SF3A2: variants seen among roughly 807,000 people sequenced by gnomAD.
SF3A2 encodes SAP 62.
A neutral mutation model predicts 31.1 loss-of-function variants in SF3A2; 5 were observed. The observed-to-expected ratio is 0.16, with a 90% CI of 0.08 to 0.34. SF3A2 has a LOEUF of 0.34. SF3A2 is among the 10% of genes least tolerant of loss of function. SF3A2 has a pLI of 1.00. For synonymous variants in SF3A2, 365 were observed against 263.7 expected, an observed-to-expected ratio of 1.38 and a Z score of -3.72; for missense variants, 577 against 643.9, an observed-to-expected ratio of 0.90 and a Z score of 1.13.
intron 2 of SF3A2, among the ~76,000 whole-genome samples, chr19:2,243,853 C>T (rs1330582863): frequency 6.6e-6 from 1 of 152,194 alleles, no homozygotes; most frequent in Non-Finnish European, 1.5e-5. Context: ...TGAAGGGCAG[C>T]CTTTGATTTT....
In SF3A2 at chr19:2,244,747, A is replaced by T; in HGVS notation, c.213A>T (p.Ala71=). 2 of 1,614,012 alleles carry T rather than the reference A, an allele frequency of 1.2e-6. No homozygotes were observed. The highest frequency in any genetic ancestry group is 1.1e-5 in the South Asian group (1 of 91,076). The change falls in exon 4 of 9, where the codon GCA becomes GCT. Residue 71 remains alanine (A), a synonymous_variant. Transcript: ENST00000221494. ...TLHNNEGSYL[A]HTQGKKHQTN... ...TTCCACTCCAGGGGAGCTACCTGGC[A>T]CATACGCAGGGGAAGAAGCACCAGA...
At position 2,245,763 on chromosome 19, in the gene SF3A2, G is replaced by A; in HGVS notation, c.355+208G>A. The A allele has an allele frequency of 1.7e-6, 1 of 585,460 alleles. No homozygotes were observed. Among genetic ancestry groups the A allele is most frequent in the Non-Finnish European group, 3.1e-6 (1 of 326,672 alleles). 36.3% of individuals were successfully genotyped at this position (585,460 alleles called of 1,614,324 possible). ...GCCCGATAAGCACCCATCTCACCCA[G>A]CAGCCCATTTCCCAGCTGAGCCACA... On this transcript the variant is annotated intron_variant, in intron 5 of 8. Transcript: ENST00000221494. The surrounding 1 kb of genome is among the most constrained non-coding windows in gnomAD (Gnocchi z 4.2).
chr19:2,245,381 C>A lies in SF3A2; in HGVS notation c.246-65C>A. On this transcript the variant is annotated intron_variant, in intron 4 of 8. Transcript: ENST00000221494. The surrounding 1 kb of genome is among the most constrained non-coding windows in gnomAD (Gnocchi z 4.2). ...TCCAAGGTCAGGGGGCTCCTGGCACCTGGGCCCATGGCTTTGGTGCCTGTG... is the reference window on the plus strand; with the variant it reads ...TCCAAGGTCAGGGGGCTCCTGGCACATGGGCCCATGGCTTTGGTGCCTGTG... The A allele has an allele frequency of 7.9e-7, 1 of 1,261,340 alleles. No individual in the cohort carries two copies. Among genetic ancestry groups the A allele is most frequent in the Non-Finnish European group, 1.1e-6 (1 of 889,858 alleles). 78.1% of individuals were successfully genotyped at this position (1,261,340 alleles called of 1,614,324 possible).
Position 2,245,660 on chromosome 19 carries a change from C to A in SF3A2, c.355+105C>A. On this transcript the variant is annotated intron_variant, in intron 5 of 8. Coordinates refer to ENST00000221494, the MANE Select transcript of SF3A2 (RefSeq NM_007165.5). This position sits in a 1 kb window ranked among gnomAD's most constrained non-coding sequence, Gnocchi z 4.2. ...CAGCCCTGATAGCCTCCTCCCTGAG[C>A]CACTGTTTTCCGGCCTTGGTGGCCG... The A allele has an allele frequency of 1.2e-6, 1 of 832,506 alleles. No homozygotes were observed. Among genetic ancestry groups the A allele is most frequent in the Non-Finnish European group, 2.0e-6 (1 of 505,210 alleles). The allele number at this position is 832,506 out of a possible 1,614,324, so 51.6% of individuals were successfully genotyped here. A position where few individuals can be genotyped will look rare whatever the true frequency, so the allele number is the denominator to read the frequency against.
intron 7 of SF3A2, 75 bp from the exon 8 acceptor site, chr19:2,247,519 G>A: frequency 6.7e-7 from 1 of 1,494,800 alleles, no homozygotes; most frequent in Non-Finnish European, 9.3e-7. Flanking sequence ...GGAGGCTAGT[G>A]CCTCGGGCTC....
rs750283233 is a variant in SF3A2, at chr19:2,247,015, C to T, written c.539C>T (p.Ala180Val). 2.9e-6 allele frequency: 4 copies of T among 1,365,046 alleles called. No homozygotes were observed. Among genetic ancestry groups the T allele is most frequent in the Non-Finnish European group, 3.8e-6 (4 of 1,042,250 alleles). 84.6% of individuals were successfully genotyped at this position (1,365,046 alleles called of 1,614,324 possible). Residue 180 changes from alanine (A) to valine (V), a missense_variant, in exon 7 of 9, where the codon GCC becomes GTC. By Grantham distance (64) the Ala-to-Val change is moderately conservative. Around this residue, in one of 6 missense-constraint regions of SF3A2, gnomAD observed 37 missense variants for 85.0 expected, o/e 0.44. Transcript: ENST00000221494. The stretch of plus-strand genomic sequence containing the variant: ...GCCGCCGAGCCCTACGAGACCATTG[C>T]CTTCAAGGTAGCGTGGCTGCGGGGT... ...LMAAEPYETI[A>V]FKVPSREIDK...
Position 2,247,608 on chromosome 19 carries a change from G to A in SF3A2, c.561G>A (p.Glu187=). 1 of 1,613,414 alleles carries A rather than the reference G, an allele frequency of 6.2e-7. No individual in the cohort carries two copies. Among genetic ancestry groups the A allele is most frequent in the Non-Finnish European group, 8.5e-7 (1 of 1,179,764 alleles). Residue 187 remains glutamate (E), a synonymous_variant, in exon 8 of 9, where the codon GAG becomes GAA. Transcript: ENST00000221494. ...CGCCCTCCCAGGTGCCGAGCAGAGAGATCGACAAGGCGGAGGGCAAGTTCT... is the reference window on the plus strand; with the variant it reads ...CGCCCTCCCAGGTGCCGAGCAGAGAAATCGACAAGGCGGAGGGCAAGTTCT... ...ETIAFKVPSR[E]IDKAEGKFWT...
At position 2,245,685 on chromosome 19, in the gene SF3A2, G is replaced by A. The variant is rs536310388; in HGVS notation, c.355+130G>A. The stretch of plus-strand genomic sequence containing the variant: ...CCACTGTTTTCCGGCCTTGGTGGCC[G>A]TCCCTCACCCACCTGCAGCCTCTGG... On this transcript the variant is annotated intron_variant, in intron 5 of 8. Transcript: ENST00000221494. The surrounding 1 kb of genome is among the most constrained non-coding windows in gnomAD (Gnocchi z 4.2). The A allele has an allele frequency of 1.2e-4, 86 of 705,806 alleles. No individual in the cohort carries two copies. The highest frequency in any genetic ancestry group is 8.8e-4 in the African/African-American group (50 of 57,130). 43.7% of individuals were successfully genotyped at this position (705,806 alleles called of 1,614,324 possible).
chr19:2,247,513 G>T (rs1248344738), intron 7 of SF3A2, 81 bp from the exon 8 acceptor site: 1 of 1,432,412 alleles, frequency 7.0e-7, no homozygotes, highest in Non-Finnish European at 9.8e-7. Flanking sequence ...GGCTGGGGAG[G>T]CTAGTGCCTC....
chr19:2,242,427 C>T (rs2145010053), intron 1 of SF3A2, among the ~76,000 whole-genome samples: 1 of 152,330 alleles, frequency 6.6e-6, no homozygotes, highest in Non-Finnish European at 1.5e-5. Context: ...CATTCACAGC[C>T]ACAGCGCAGC....
chr19:2,243,803 T>G (rs1471003383), intron 2 of SF3A2, among the ~76,000 whole-genome samples: 5 of 152,202 alleles, frequency 3.3e-5, no homozygotes, highest in Non-Finnish European at 7.3e-5. Flanking sequence ...TTTAATTTTC[T>G]GGGAGTGGGG....
chr19:2,248,428 C>T lies in SF3A2; in HGVS notation c.1277C>T (p.Pro426Leu), dbSNP rs1312971570. The change falls in exon 9 of 9, where the codon CCG becomes CTG. Residue 426 changes from proline to leucine, a missense_variant. Coordinates refer to ENST00000221494, the MANE Select transcript of SF3A2 (RefSeq NM_007165.5). ...PSAPGVHPQP[P>L]GVHPSNPGVH... is the part of the protein sequence containing the mutation. ...GCTCCTGGGGTCCACCCTCAGCCTC[C>T]GGGAGTTCACCCCTCAAATCCTGGG... The T allele has an allele frequency of 1.7e-5, 23 of 1,371,154 alleles. 1 individual carries two copies. The highest frequency in any genetic ancestry group is 1.9e-4 in the Middle Eastern group (1 of 5,246). 84.9% of individuals were successfully genotyped at this position (1,371,154 alleles called of 1,614,324 possible).
At position 2,247,795 on chromosome 19, in the gene SF3A2, A is replaced by C. The variant is rs751904994; in HGVS notation, c.644A>C (p.Glu215Ala). 6.2e-7 allele frequency: 1 copy of C among 1,610,818 alleles called. No individual in the cohort carries two copies. The highest frequency in any genetic ancestry group is 8.5e-7 in the Non-Finnish European group (1 of 1,179,382). ...TTCCTCCAGTTCCACTTTAAGATGG[A>C]GAAGCCCCCGGCTCCACCCAGCCTC... ...QFFLQFHFKM[E>A]KPPAPPSLPA... is the part of the protein sequence containing the mutation. The change falls in exon 9 of 9, where the codon GAG becomes GCG. Residue 215 changes from glutamate to alanine, a missense_variant. Transcript: ENST00000221494.
In SF3A2 at chr19:2,248,144, C is replaced by CCAGCTCCCGGAGTCCACCCT; in HGVS notation, c.994_995insAGCTCCCGGAGTCCACCCTC (p.Pro332GlnfsTer121). ...ACCCACCAACCTCTGGGGTCCACCC[C>CCAGCTCCCGGAGTCCACCCT]CCAGCTCCTGGAGTCCACCCTCCAG... On this transcript the variant is annotated frameshift_variant, in exon 9 of 9. Coordinates refer to ENST00000221494, the MANE Select transcript of SF3A2 (RefSeq NM_007165.5). LOFTEE classifies it low-confidence loss of function (END_TRUNC). The CCAGCTCCCGGAGTCCACCCT allele has an allele frequency of 7.5e-7, 1 of 1,330,130 alleles. No homozygotes were observed. The allele number at this position is 1,330,130 out of a possible 1,614,324, so 82.4% of individuals were successfully genotyped here.
Position 2,248,153 on chromosome 19 carries a change from T to TGGAGTCCACCATCCAGCCCCC in SF3A2, c.1012_1013insATCCAGCCCCCGGAGTCCACC (p.His337_Pro338insHisProAlaProGlyValHis). The TGGAGTCCACCATCCAGCCCCC allele has an allele frequency of 2.2e-6, 3 of 1,335,316 alleles. No homozygotes were observed. The highest frequency in any genetic ancestry group is 3.1e-6 in the Non-Finnish European group (3 of 980,006). 82.7% of individuals were successfully genotyped at this position (1,335,316 alleles called of 1,614,324 possible). A position where few individuals can be genotyped will look rare whatever the true frequency, so the allele number is the denominator to read the frequency against. ...CCTCTGGGGTCCACCCCCCAGCTCC[T>TGGAGTCCACCATCCAGCCCCC]GGAGTCCACCCTCCAGCCCCCGGGG... On this transcript the variant is annotated inframe_insertion, in exon 9 of 9. Coordinates refer to ENST00000221494, the MANE Select transcript of SF3A2 (RefSeq NM_007165.5).
Position 2,243,553 on chromosome 19 carries a change from G to A in SF3A2, c.126+9G>A, listed in dbSNP as rs565514233. On this transcript the variant is annotated intron_variant, in intron 2 of 8. Coordinates refer to ENST00000221494, the MANE Select transcript of SF3A2 (RefSeq NM_007165.5). The stretch of plus-strand genomic sequence containing the variant: ...CCATCGACATCAACAAGGTGGGCCA[G>A]CCACCGTGCAGCTGCCTGTGGTGGG... The A allele has an allele frequency of 3.2e-6, 5 of 1,539,732 alleles. No homozygotes were observed. The East Asian group carries it at 1.0e-4, about 32-fold the overall frequency.
chr19:2,243,938 C>G lies in SF3A2; in HGVS notation c.126+394C>G, dbSNP rs572667592. ...TCGGGGCTGGAGCACTCTTTGTGTACCCTGACATGCCCCACGGGCCTGGCC... is the reference window on the plus strand; with the variant it reads ...TCGGGGCTGGAGCACTCTTTGTGTAGCCTGACATGCCCCACGGGCCTGGCC... On this transcript the variant is annotated intron_variant, in intron 2 of 8. Transcript: ENST00000221494. Among the ~76,000 whole-genome samples, 8 of 152,292 alleles carry G rather than the reference C, an allele frequency of 5.3e-5. No homozygotes were observed. In the East Asian group the frequency reaches 1.5e-3, roughly 29 times the overall value.
In SF3A2 at chr19:2,247,534, C is replaced by A. The variant is rs2024949794; in HGVS notation, c.547-60C>A. ...GGAGGCTAGTGCCTCGGGCTCCCTG[C>A]CTGATGGTCGCCCTGAGGTCACAGG... On this transcript the variant is annotated intron_variant, in intron 7 of 8. Coordinates refer to ENST00000221494, the MANE Select transcript of SF3A2 (RefSeq NM_007165.5). The A allele has an allele frequency of 2.2e-5, 34 of 1,572,572 alleles. No individual in the cohort carries two copies. In the South Asian group the frequency reaches 3.4e-4, roughly 16 times the overall value.
At chr19:2,242,123 G>T (rs567279235) in intron 1 of SF3A2, among the ~76,000 whole-genome samples, 1 of 143,532 alleles carries the variant, frequency 7.0e-6, no homozygotes, top group African/African-American at 2.8e-5. Flanking sequence ...GTCCCTCAGC[G>T]TGCCCCTGCA....
Sources: gnomAD v4.1 joint callset for allele counts (sites outside exome capture counted in the v4.1 genomes callset) on GRCh38, gnomAD v4.1.1 for gene constraint, gnomAD v4.1.1 regional missense constraint, Gnocchi (gnomAD v3.1) non-coding constraint, MANE v1.5 for transcripts, NCBI Gene and HGNC (gene_info 2026-07-23, HGNC 2026-07-21) for gene names.